The following OGDH variants were observed in gnomAD, a reference collection of about 807,000 sequenced individuals.
OGDH encodes the protein 2-oxoglutarate dehydrogenase complex component E1.
A neutral mutation model predicts 116.6 loss-of-function variants in OGDH; 38 were observed. The observed-to-expected ratio is 0.33, with a 90% CI of 0.25 to 0.43. The LOEUF is 0.43. Among genes scored for constraint, OGDH ranks in the 20% least tolerant of loss-of-function variants. The probability of loss-of-function intolerance (pLI) is 1.00; values close to 1 mark genes in which losing one functional copy is unlikely to be tolerated. For missense variants in OGDH, 825 were observed against 1,357.2 expected, an observed-to-expected ratio of 0.61 and a Z score of 6.16; for synonymous variants, 488 against 533.3, an observed-to-expected ratio of 0.92 and a Z score of 1.17.
chr7:44,641,606 C>G (rs1022528454), intron 2 of OGDH, among the ~76,000 whole-genome samples: 1 of 152,182 alleles, frequency 6.6e-6, no homozygotes, highest in Non-Finnish European at 1.5e-5. Flanking sequence ...CTGACTCCTG[C>G]TCAGTTTCCT....
At chr7:44,635,653 A>C (rs758823323) in intron 2 of OGDH, among the ~76,000 whole-genome samples, 8 of 151,738 alleles carry the variant, frequency 5.3e-5, no homozygotes, top group Non-Finnish European at 1.0e-4. Flanking sequence ...CACTCTCCTC[A>C]TGTTCCTCAT....
chr7:44,621,025 A>C (rs776058180), intron 1 of OGDH, among the ~76,000 whole-genome samples: 2 of 152,180 alleles, frequency 1.3e-5, no homozygotes, highest in Non-Finnish European at 2.9e-5. Flanking sequence ...TCAAGACCTA[A>C]TGTTGACTGG....
chr7:44,664,464 T>C (rs1167965580), intron 4 of OGDH, among the ~76,000 whole-genome samples: 1 of 152,208 alleles, frequency 6.6e-6, no homozygotes, highest in Non-Finnish European at 1.5e-5. Flanking sequence ...TTTGTCTTGA[T>C]AGGCTACCTC....
rs764635151 is a variant in OGDH, at chr7:44,693,998, C to T, written c.1509C>T (p.Val503=). The T allele has an allele frequency of 1.3e-5, 21 of 1,611,154 alleles. 1 individual carries two copies. The Middle Eastern group carries it at 8.2e-4, about 63-fold the overall frequency. ...GCACCTTCCACAAGGACGTGGTTGT[C>T]GATTTGGTGAGTGACTCTGGGGACA... The part of the protein sequence containing the change: ...WRSTFHKDVV[V]DLVCYRRNGH... Residue 503 remains valine, a synonymous_variant, in exon 11 of 23, where the codon GTC becomes GTT. Transcript: ENST00000222673.
At chr7:44,693,238 G>T (rs914035663) in intron 10 of OGDH, among the ~76,000 whole-genome samples, 3 of 152,000 alleles carry the variant, frequency 2.0e-5, no homozygotes, top group Non-Finnish European at 2.9e-5. Flanking sequence ...AACCCGGGAG[G>T]TGGAAGTTGC....
chr7:44,674,590 C>A, intron 7 of OGDH, 33 bp downstream of exon 7: 1 of 1,612,400 alleles, frequency 6.2e-7, no homozygotes, highest in South Asian at 1.1e-5. Flanking sequence ...CCTGGTTTCT[C>A]ACCATCCCTG....
chr7:44,636,754 A>G (rs1277419099), intron 2 of OGDH, among the ~76,000 whole-genome samples: 1 of 152,240 alleles, frequency 6.6e-6, no homozygotes, highest in African/African-American at 2.4e-5. Context: ...CTTGGAAAAC[A>G]GAGCTTCATT....
At chr7:44,699,114 G>C (rs1788712728) in intron 18 of OGDH, among the ~76,000 whole-genome samples, 1 of 151,894 alleles carries the variant, frequency 6.6e-6, no homozygotes, top group African/African-American at 2.4e-5. Flanking sequence ...CTGCACTCCA[G>C]CCTGGGCAGC....
At chr7:44,669,896 G>A (rs1046117398) in intron 5 of OGDH, among the ~76,000 whole-genome samples, 17 of 152,312 alleles carry the variant, frequency 1.1e-4, no homozygotes, top group South Asian at 6.2e-4. Flanking sequence ...TTTAATGTGT[G>A]TGTATGTTAG....
In OGDH at chr7:44,694,917, T is replaced by C. The variant is rs1788512954; in HGVS notation, c.1668+341T>C. Among the ~76,000 whole-genome samples, 1 of 151,986 alleles carries C rather than the reference T, an allele frequency of 6.6e-6. No individual in the cohort carries two copies. The highest frequency in any genetic ancestry group is 1.5e-5 in the Non-Finnish European group (1 of 68,004). ...CAGCTTGGTAAGGGGCCTGTTGTAA[T>C]CTGGATAGTAAGTGCTGGTTGGTTG... On this transcript the variant is annotated intron_variant, in intron 12 of 22. Coordinates refer to ENST00000222673, the MANE Select transcript of OGDH (RefSeq NM_002541.4). This position sits in a 1 kb window ranked among gnomAD's most constrained non-coding sequence, Gnocchi z 4.2.
At chr7:44,656,032 C>A (rs1186646614) in intron 4 of OGDH, among the ~76,000 whole-genome samples, 1 of 152,184 alleles carries the variant, frequency 6.6e-6, no homozygotes, top group Admixed American at 6.5e-5. Context: ...TCTCAAATGA[C>A]GCTGCCTGAT....
At position 44,694,310 on chromosome 7, in the gene OGDH, A is replaced by G. The variant is rs1291929233; in HGVS notation, c.1516-114A>G. ...AGAGAAGGTAAACTCCAGGGCAGGC[A>G]TGAGGAATGAAGAACGTGGCCATCA... On this transcript the variant is annotated intron_variant, in intron 11 of 22. Transcript: ENST00000222673. The surrounding 1 kb of genome is among the most constrained non-coding windows in gnomAD (Gnocchi z 4.2). 1.9e-5 allele frequency: 25 copies of G among 1,291,734 alleles called. No homozygotes were observed. The highest frequency in any genetic ancestry group is 2.6e-5 in the Non-Finnish European group (24 of 938,572). The allele number at this position is 1,291,734 out of a possible 1,614,324, so 80.0% of individuals were successfully genotyped here.
chr7:44,694,692 T>A lies in OGDH; in HGVS notation c.1668+116T>A. 1 of 1,166,134 alleles carries A rather than the reference T, an allele frequency of 8.6e-7. No homozygotes were observed. The highest frequency in any genetic ancestry group is 1.2e-6 in the Non-Finnish European group (1 of 821,446). The allele number at this position is 1,166,134 out of a possible 1,614,324, so 72.2% of individuals were successfully genotyped here. On this transcript the variant is annotated intron_variant, in intron 12 of 22. Coordinates refer to ENST00000222673, the MANE Select transcript of OGDH (RefSeq NM_002541.4). The surrounding 1 kb of genome is among the most constrained non-coding windows in gnomAD (Gnocchi z 4.2). ...AGTTATGAGGATACACGTGAGAGGA[T>A]GTGAAATATTTACAACTACAGCATT...
At chr7:44,706,163 G>A (rs569694958) in intron 20 of OGDH, among the ~76,000 whole-genome samples, 55 of 151,772 alleles carry the variant, frequency 3.6e-4, no homozygotes, top group South Asian at 4.2e-4. Flanking sequence ...GGCTGGTCTC[G>A]AACTCCTGAG....
chr7:44,656,162 C>G (rs1272439056), intron 4 of OGDH, among the ~76,000 whole-genome samples: 1 of 152,136 alleles, frequency 6.6e-6, no homozygotes, highest in Non-Finnish European at 1.5e-5. Flanking sequence ...CCACCCACTT[C>G]TCCCTTGATG....
intron 1 of OGDH, among the ~76,000 whole-genome samples, chr7:44,613,485 G>A (rs143116067): frequency 0.047 from 7,202 of 152,136 alleles, 202 homozygotes; most frequent in Middle Eastern, 0.078. Flanking sequence ...TCAGTCTCCC[G>A]AGTAGCTGGG....
At position 44,693,630 on chromosome 7, in the gene OGDH, T is replaced by G. The variant is rs1788457794; in HGVS notation, c.1336-195T>G. On this transcript the variant is annotated intron_variant, in intron 10 of 22. Coordinates refer to ENST00000222673, the MANE Select transcript of OGDH (RefSeq NM_002541.4). ...CATACTATGTCTTTTAAATTCTCTA[T>G]GTTAAATATATATGGATTTTGTTAT... Among the ~76,000 whole-genome samples the G allele has an allele frequency of 2.0e-5, 3 of 152,302 alleles. No homozygotes were observed. The South Asian group carries it at 6.2e-4, about 32-fold the overall frequency.
chr7:44,672,302 G>T (rs1213608465), intron 5 of OGDH, among the ~76,000 whole-genome samples: 1 of 152,142 alleles, frequency 6.6e-6, no homozygotes, highest in Non-Finnish European at 1.5e-5. Context: ...AACAGGGCTG[G>T]TCTCAGATTC....
intron 4 of OGDH, among the ~76,000 whole-genome samples, chr7:44,658,708 G>A (rs1786804290): frequency 6.6e-6 from 1 of 151,954 alleles, no homozygotes; most frequent in South Asian, 2.1e-4. Context: ...TAGATTTTTT[G>A]TAAATGCTCT....
Sources: allele counts gnomAD v4.1 joint callset (sites outside exome capture counted in the v4.1 genomes callset), GRCh38; gene constraint gnomAD v4.1.1; non-coding constraint Gnocchi (gnomAD v3.1); transcripts MANE v1.5; gene names NCBI Gene and HGNC (gene_info 2026-07-23, HGNC 2026-07-21).